The following PPP4R3B variants were observed in gnomAD, a reference collection of about 807,000 sequenced individuals.
The protein encoded by PPP4R3B is serine/threonine-protein phosphatase 4 regulatory subunit 3B.
Under a neutral mutation model 95.4 loss-of-function variants are expected in PPP4R3B, and 52 were observed. That is an observed-to-expected ratio of 0.54 (90% CI 0.44 to 0.69). The LOEUF (loss-of-function observed/expected upper bound fraction) is 0.69. Among genes scored for constraint, PPP4R3B ranks in the 30% least tolerant of loss-of-function variants. PPP4R3B has a pLI of 0.00. For missense variants in PPP4R3B, 1,003 were observed against 1,005.9 expected (o/e 1.00, Z 0.04); for synonymous variants, 407 against 343.9 (o/e 1.18, Z -2.03).
intron 4 of PPP4R3B, among the ~76,000 whole-genome samples, chr2:55,589,457 T>C (rs1690647439): frequency 6.6e-6 from 1 of 152,172 alleles, no homozygotes. Context: ...TACAACAACC[T>C]ACAACCAACT....
chr2:55,598,463 T>G lies in PPP4R3B; in HGVS notation c.874A>C (p.Thr292Pro). ...VFEENFLSTL[T>P]SFIFFNKVEI... The stretch of plus-strand genomic sequence containing the variant: ...ACTTTGTTGAAGAAAATAAAAGACG[T>G]AAGAGTAGAAAGAAAATTCTCTTCA... The change falls in exon 4 of 17, where the codon ACG becomes CCG. Residue 292 changes from threonine (T) to proline (P), a missense_variant. Transcript: ENST00000616407. 1.2e-6 allele frequency: 2 copies of G among 1,614,114 alleles called. No individual in the cohort carries two copies. The highest frequency in any genetic ancestry group is 1.7e-6 in the Non-Finnish European group (2 of 1,180,002).
At chr2:55,587,643 C>T (rs943652443) in intron 5 of PPP4R3B, among the ~76,000 whole-genome samples, 1 of 152,208 alleles carries the variant, frequency 6.6e-6, no homozygotes, top group African/African-American at 2.4e-5. Context: ...TCAATTAACT[C>T]TTTAAACACA....
At chr2:55,597,658 C>T (rs996567014) in intron 4 of PPP4R3B, among the ~76,000 whole-genome samples, 2 of 65,260 alleles carry the variant, frequency 3.1e-5, no homozygotes, top group African/African-American at 5.7e-5. Flanking sequence ...AAAACTAGCT[C>T]GGCGTGGAGG....
At chr2:55,572,608 G>A (rs139294311) in intron 12 of PPP4R3B, among the ~76,000 whole-genome samples, 2 of 152,266 alleles carry the variant, frequency 1.3e-5, no homozygotes, top group African/African-American at 4.8e-5. Flanking sequence ...AATTTTGGCG[G>A]AAGTAATCTG....
rs1389004627 is a variant in PPP4R3B at position 55,598,191 on chromosome 2, G to T, written c.921+225C>A. 3.9e-5 allele frequency among the ~76,000 whole-genome samples: 6 copies of T among 152,314 alleles called. No individual in the cohort carries two copies. In the East Asian group the frequency reaches 1.2e-3, roughly 29 times the overall value. On this transcript the variant is annotated intron_variant, in intron 4 of 16. Transcript: ENST00000616407. ...GCTGAGATTGCGCCACTGCATTCCAGCCTGGGCGACAGAACGAGACTCCGA... is the reference window on the plus strand; with the variant it reads ...GCTGAGATTGCGCCACTGCATTCCATCCTGGGCGACAGAACGAGACTCCGA...
intron 3 of PPP4R3B, among the ~76,000 whole-genome samples, chr2:55,599,571 A>C (rs1692267939): frequency 6.6e-6 from 1 of 152,242 alleles, no homozygotes; most frequent in African/African-American, 2.4e-5. Flanking sequence ...GGAGAAATCA[A>C]CTTTTGTTGT....
At position 55,547,636 on chromosome 2, in the gene PPP4R3B, C is replaced by G. The variant is rs758352330; in HGVS notation, c.*2275G>C. The G allele has an allele frequency of 2.0e-5, 3 of 152,178 alleles. 1 individual carries two copies. In the East Asian group the frequency reaches 5.8e-4, roughly 29 times the overall value. 9.4% of individuals were successfully genotyped at this position (152,178 alleles called of 1,614,324 possible). A position where few individuals can be genotyped will look rare whatever the true frequency, so the allele number is the denominator to read the frequency against. The stretch of plus-strand genomic sequence containing the variant: ...TGATTTAAATGTTTAAGACTTATGG[C>G]AGCTCTTCAGAAAGAAAAAGGAAGT... On this transcript the variant is annotated 3_prime_UTR_variant, in exon 17 of 17. Transcript: ENST00000616407.
At chr2:55,569,243 A>C (rs934404316) in intron 12 of PPP4R3B, among the ~76,000 whole-genome samples, 1 of 152,100 alleles carries the variant, frequency 6.6e-6, no homozygotes, top group African/African-American at 2.4e-5. Flanking sequence ...GCCCGTTGCC[A>C]AGCAGACCAT....
Position 55,604,875 on chromosome 2 carries a change from C to T in PPP4R3B, c.199-799G>A, listed in dbSNP as rs573474909. On this transcript the variant is annotated intron_variant, in intron 2 of 16. Transcript: ENST00000616407. The stretch of plus-strand genomic sequence containing the variant: ...TTCCTCCTTGAGACAGGGTCTTGCT[C>T]TGTGACCAGACTAGAGTGTAGGGGT... Among the ~76,000 whole-genome samples, 144 of 152,222 alleles carry T rather than the reference C, an allele frequency of 9.5e-4. 1 individual carries two copies. The Middle Eastern group carries it at 0.01, about 11-fold the overall frequency.
Position 55,588,239 on chromosome 2 carries a change from C to T in PPP4R3B, c.999+640G>A, listed in dbSNP as rs1184876545. On this transcript the variant is annotated intron_variant, in intron 5 of 16. Coordinates refer to ENST00000616407, the MANE Select transcript of PPP4R3B (RefSeq NM_001122964.3). Reference sequence around the variant, plus strand: ...TAAAAAGAAAAGCATTGCGGCTAGGCGCAGTGGCTCACACCTGTAATCCCA... The same window carrying T: ...TAAAAAGAAAAGCATTGCGGCTAGGTGCAGTGGCTCACACCTGTAATCCCA... Among the ~76,000 whole-genome samples, 8 of 152,100 alleles carry T rather than the reference C, an allele frequency of 5.3e-5. No homozygotes were observed. In the East Asian group the frequency reaches 5.8e-4, roughly 11 times the overall value.
At chr2:55,604,795 GACAC>G (rs3069140) in intron 2 of PPP4R3B, among the ~76,000 whole-genome samples, 89 of 149,898 alleles carry the variant, frequency 5.9e-4, no homozygotes, top group Middle Eastern at 3.4e-3. Context: ...ATAAAACATA[GACAC>G]ACACACACAC....
intron 12 of PPP4R3B, among the ~76,000 whole-genome samples, chr2:55,571,135 C>T (rs942973539): frequency 6.6e-6 from 1 of 151,894 alleles, no homozygotes; most frequent in East Asian, 1.9e-4. Context: ...ATGGTGAAAC[C>T]CCATCTCTAC....
rs372423262 is a variant in PPP4R3B, at chr2:55,555,278, T to TAAA, written c.2454+3494_2454+3496dup. On this transcript the variant is annotated intron_variant, in intron 16 of 16. Coordinates refer to ENST00000616407, the MANE Select transcript of PPP4R3B (RefSeq NM_001122964.3). ...CTGGGCAACAGAACAAGACTCCGTC[T>TAAA]AAAAAAAAAAAAAAAAAAAGAAAGA... Among the ~76,000 whole-genome samples the TAAA allele has an allele frequency of 2.4e-3, 260 of 108,830 alleles. 2 individuals carry two copies. Among genetic ancestry groups the TAAA allele is most frequent in the Middle Eastern group, 4.9e-3 (1 of 204 alleles). 71.4% of individuals were successfully genotyped at this position (108,830 alleles called of 152,430 possible).
At chr2:55,580,490 A>G (rs1396530759) in intron 8 of PPP4R3B, among the ~76,000 whole-genome samples, 4 of 152,222 alleles carry the variant, frequency 2.6e-5, no homozygotes, top group Non-Finnish European at 5.9e-5. Context: ...TTTAGAAAGA[A>G]AAAGAACCAA....
chr2:55,599,525 G>C (rs994069582), intron 3 of PPP4R3B, among the ~76,000 whole-genome samples: 1 of 152,152 alleles, frequency 6.6e-6, no homozygotes, highest in African/African-American at 2.4e-5. Flanking sequence ...ACTCTCATGA[G>C]TAGGGCCCCT....
chr2:55,592,874 T>C (rs974832683), intron 4 of PPP4R3B, among the ~76,000 whole-genome samples: 1 of 152,178 alleles, frequency 6.6e-6, no homozygotes. Context: ...AAAAATTTAA[T>C]TTCTGGCTGG....
chr2:55,596,592 C>G (rs1574856877), intron 4 of PPP4R3B, among the ~76,000 whole-genome samples: 1 of 152,302 alleles, frequency 6.6e-6, no homozygotes, highest in East Asian at 1.9e-4. Context: ...TATTTTGTGG[C>G]AAAGTTATCT....
chr2:55,573,816 T>C (rs1688298299), intron 11 of PPP4R3B, 39 bp from the exon 12 acceptor site: 1 of 1,276,154 alleles, frequency 7.8e-7, no homozygotes, highest in East Asian at 2.8e-5. Flanking sequence ...AAATATTGAA[T>C]ATATCTAAAT....
rs1684918404 is a variant in PPP4R3B at position 55,548,389 on chromosome 2, G to C, written c.*1522C>G. On this transcript the variant is annotated 3_prime_UTR_variant, in exon 17 of 17. Transcript: ENST00000616407. ...ACAAACATCAATTATGGAATTACAG[G>C]GTCACATTTTAATTCCTGAATTTTA... is the stretch of plus-strand genomic sequence containing the variant. The C allele has an allele frequency of 6.6e-6, 1 of 152,310 alleles. No individual in the cohort carries two copies. Among genetic ancestry groups the C allele is most frequent in the Non-Finnish European group, 1.5e-5 (1 of 67,982 alleles). 9.4% of individuals were successfully genotyped at this position (152,310 alleles called of 1,614,324 possible). A position where few individuals can be genotyped will look rare whatever the true frequency, so the allele number is the denominator to read the frequency against.
Sources: allele counts gnomAD v4.1 joint callset (sites outside exome capture counted in the v4.1 genomes callset), GRCh38; gene constraint gnomAD v4.1.1; transcripts MANE v1.5; gene names NCBI Gene and HGNC (gene_info 2026-07-23, HGNC 2026-07-21).